FTCDNL1: variants seen among roughly 807,000 people sequenced by gnomAD.
FTCDNL1 encodes the protein formiminotransferase N-terminal subdomain-containing protein.
In FTCDNL1, 11 loss-of-function variants were observed where a neutral mutation model predicts 5.9. That is an observed-to-expected ratio of 1.87 (90% CI 1.18 to 3.10). The LOEUF is 3.10. Ranked by LOEUF, FTCDNL1 falls within the 30% of genes most tolerant of loss-of-function variation. The pLI, the probability that FTCDNL1 is intolerant of heterozygous loss-of-function variation, is 0.00. For missense variants in FTCDNL1, 115 were observed against 65.5 expected (o/e 1.76, Z -2.61); for synonymous variants, 58 against 24.8 (o/e 2.34, Z -3.99).
At chr2:199,738,201 A>G in the FTCDNL1 span, among the ~76,000 whole-genome samples, 15 of 152,298 alleles carry the variant, frequency 9.8e-5, no homozygotes, top group African/African-American at 3.6e-4. Flanking sequence ...TCTCTCCCCC[A>G]TCCCAGCCTT....
intron 3 of FTCDNL1, among the ~76,000 whole-genome samples, chr2:199,800,680 TA>T (rs1188432875): frequency 6.6e-6 from 1 of 152,222 alleles, no homozygotes; most frequent in Non-Finnish European, 1.5e-5. Flanking sequence ...GAACAGAATA[TA>T]AAATAACTCA....
At chr2:199,756,948 C>T (rs1698093702), downstream of FTCDNL1, among the ~76,000 whole-genome samples, 1 of 152,220 alleles carries the variant, frequency 6.6e-6, no homozygotes, top group Non-Finnish European at 1.5e-5. Flanking sequence ...TCACACACAT[C>T]ACTTCTGCCC....
At chr2:199,814,038 C>T (rs528360936) in intron 4 of FTCDNL1, among the ~76,000 whole-genome samples, 210 of 151,986 alleles carry the variant, frequency 1.4e-3, no homozygotes, top group Non-Finnish European at 2.6e-3. Context: ...AAACCCTAGC[C>T]TAAATGTGGA....
the FTCDNL1 span, among the ~76,000 whole-genome samples, chr2:199,753,682 C>T: frequency 2.6e-5 from 4 of 152,166 alleles, no homozygotes; most frequent in African/African-American, 9.7e-5. Flanking sequence ...CTCTCCCCTT[C>T]GGTTTGTTGC....
chr2:199,734,309 G>A, the FTCDNL1 span, among the ~76,000 whole-genome samples: 1 of 152,156 alleles, frequency 6.6e-6, no homozygotes, highest in African/African-American at 2.4e-5. Flanking sequence ...AATGTGTACT[G>A]CAGTGATTCT....
chr2:199,766,169 A>G (rs934033245), intron 3 of FTCDNL1, among the ~76,000 whole-genome samples: 1 of 152,254 alleles, frequency 6.6e-6, no homozygotes, highest in African/African-American at 2.4e-5. Flanking sequence ...AAGTGGCATT[A>G]TAAGTGCAAA....
chr2:199,667,599 G>A, the FTCDNL1 span, among the ~76,000 whole-genome samples: 1 of 152,100 alleles, frequency 6.6e-6, no homozygotes, highest in African/African-American at 2.4e-5. Flanking sequence ...TTGCACCACT[G>A]CACTCCAGCC....
chr2:199,677,144 T>C, the FTCDNL1 span, among the ~76,000 whole-genome samples: 6 of 152,196 alleles, frequency 3.9e-5, no homozygotes, highest in Non-Finnish European at 8.8e-5. Context: ...TGTGTGCTTC[T>C]ATATAACATG....
the FTCDNL1 span, among the ~76,000 whole-genome samples, chr2:199,678,661 A>C: frequency 7.9e-5 from 12 of 151,938 alleles, no homozygotes; most frequent in East Asian, 2.3e-3. Flanking sequence ...AAAAAAAAAC[A>C]ACCTTAGAAT....
At chr2:199,761,427 C>T (rs1164654045) in intron 3 of FTCDNL1, among the ~76,000 whole-genome samples, 1 of 152,182 alleles carries the variant, frequency 6.6e-6, no homozygotes, top group African/African-American at 2.4e-5. Flanking sequence ...ACAAAAAGAA[C>T]AATCTTGCTT....
At chr2:199,753,747 A>G in the FTCDNL1 span, among the ~76,000 whole-genome samples, 13 of 152,180 alleles carry the variant, frequency 8.5e-5, no homozygotes, top group African/African-American at 2.9e-4. Flanking sequence ...TAAAATACAT[A>G]ACTAAAAAAT....
At chr2:199,730,011 C>A in the FTCDNL1 span, among the ~76,000 whole-genome samples, 2 of 152,066 alleles carry the variant, frequency 1.3e-5, no homozygotes, top group Admixed American at 1.3e-4. Context: ...GATATATAGA[C>A]CAATGGAACA....
chr2:199,770,691 C>T (rs1200922263), intron 3 of FTCDNL1, among the ~76,000 whole-genome samples: 2 of 152,130 alleles, frequency 1.3e-5, no homozygotes, highest in South Asian at 2.1e-4. Flanking sequence ...CCCTGTGTAT[C>T]TGGGAAGGGG....
the FTCDNL1 span, among the ~76,000 whole-genome samples, chr2:199,751,978 T>C: frequency 2.0e-5 from 3 of 152,090 alleles, no homozygotes; most frequent in African/African-American, 7.2e-5. Flanking sequence ...ATAAACCTAG[T>C]GGCAGGGAGC....
chr2:199,815,844 C>CA (rs1701319873), intron 4 of FTCDNL1, among the ~76,000 whole-genome samples: 1 of 151,836 alleles, frequency 6.6e-6, no homozygotes, highest in Non-Finnish European at 1.5e-5. Flanking sequence ...TACTAAAATA[C>CA]AAAAAATTAT....
the FTCDNL1 span, among the ~76,000 whole-genome samples, chr2:199,666,636 G>A: frequency 1.3e-5 from 2 of 152,112 alleles, no homozygotes; most frequent in Admixed American, 1.3e-4. Flanking sequence ...TGATACCTTG[G>A]TCCAGGGTGG....
chr2:199,760,470 A>T (rs1334764991), downstream of FTCDNL1: 1 of 232,996 alleles, frequency 4.3e-6, no homozygotes, highest in East Asian at 9.2e-5. Flanking sequence ...GTGTAAACCA[A>T]ACAAACACAA....
At chr2:199,841,164 TTTAGAGACCTAA>T (rs1481006867) in intron 3 of FTCDNL1, among the ~76,000 whole-genome samples, 1 of 145,188 alleles carries the variant, frequency 6.9e-6, no homozygotes, top group Non-Finnish European at 1.5e-5. Flanking sequence ...AAAAAAAAAA[TTTAGAGACCTAA>T]TAGTGATAAA....
Position 199,848,976 on chromosome 2 carries a change from T to C in FTCDNL1, c.-7-7A>G. On this transcript the variant is annotated splice_region_variant and splice_polypyrimidine_tract_variant and intron_variant, in intron 1 of 4. Transcript: ENST00000420128. ...GGAAGAAGACATGATTTTTCTGGAATAGGAGAAAAATTTTTATGTGTCTCT... is the reference window on the plus strand; with the variant it reads ...GGAAGAAGACATGATTTTTCTGGAACAGGAGAAAAATTTTTATGTGTCTCT... 1 of 698,586 alleles carries C rather than the reference T, an allele frequency of 1.4e-6. No homozygotes were observed. Among genetic ancestry groups the C allele is most frequent in the South Asian group, 1.5e-5 (1 of 66,348 alleles). 43.3% of individuals were successfully genotyped at this position (698,586 alleles called of 1,614,324 possible).
Sources: gnomAD v4.1 joint callset for allele counts (sites outside exome capture counted in the v4.1 genomes callset) on GRCh38, gnomAD v4.1.1 for gene constraint, MANE v1.5 for transcripts, NCBI Gene and HGNC (gene_info 2026-07-23, HGNC 2026-07-21) for gene names.